NLRP11: variants seen among roughly 807,000 people sequenced by gnomAD.
NLRP11 encodes the protein NACHT, LRR and PYD domains-containing protein 11.
A neutral mutation model predicts 79.3 loss-of-function variants in NLRP11; 53 were observed. That is an observed-to-expected ratio of 0.67 (90% confidence interval 0.54 to 0.84). The LOEUF is 0.84. Among genes scored for constraint, NLRP11 ranks in the 40% least tolerant of loss-of-function variants. The pLI, the probability that NLRP11 is intolerant of heterozygous loss-of-function variation, is 0.00. For synonymous variants in NLRP11, 518 were observed against 462.6 expected, an observed-to-expected ratio of 1.12 and a Z score of -1.54; for missense variants, 1,264 against 1,255.0, an observed-to-expected ratio of 1.01 and a Z score of -0.11.
At chr19:55,808,322 T>C (rs1227362029) in intron 3 of NLRP11, among the ~76,000 whole-genome samples, 2 of 152,202 alleles carry the variant, frequency 1.3e-5, no homozygotes, top group Non-Finnish European at 2.9e-5. Flanking sequence ...AATACTCCTA[T>C]AATGTAACAA....
chr19:55,790,522 A>G (rs1161343322), intron 7 of NLRP11, among the ~76,000 whole-genome samples: 1 of 152,250 alleles, frequency 6.6e-6, no homozygotes, highest in East Asian at 1.9e-4. Flanking sequence ...TACAAGATCC[A>G]TTAATACATG....
chr19:55,815,781 A>G (rs970623729), intron 2 of NLRP11, among the ~76,000 whole-genome samples: 3 of 152,182 alleles, frequency 2.0e-5, no homozygotes, highest in Non-Finnish European at 4.4e-5. Flanking sequence ...AGAGGCAGAG[A>G]TGGAGGAAGC....
chr19:55,796,417 G>T (rs760716349), intron 5 of NLRP11, among the ~76,000 whole-genome samples, 167 bp from the exon 6 acceptor site: 1 of 151,970 alleles, frequency 6.6e-6, no homozygotes, highest in Non-Finnish European at 1.5e-5. Context: ...CCACTCCTCA[G>T]AGTTCAAATT....
intron 2 of NLRP11, 139 bp downstream of exon 2, chr19:55,817,765 A>G: frequency 1.5e-6 from 1 of 667,816 alleles, no homozygotes; most frequent in Non-Finnish European, 2.5e-6. Context: ...AGAAATCACC[A>G]CTAAAGAACT....
At chr19:55,790,124 T>G (rs1463970475) in intron 7 of NLRP11, among the ~76,000 whole-genome samples, 1 of 152,180 alleles carries the variant, frequency 6.6e-6, no homozygotes, top group African/African-American at 2.4e-5. Flanking sequence ...AAATGTCCCC[T>G]TGTCAATGAG....
intron 5 of NLRP11, among the ~76,000 whole-genome samples, chr19:55,797,061 A>G (rs1438598532): frequency 1.3e-5 from 2 of 152,018 alleles, no homozygotes; most frequent in African/African-American, 4.8e-5. Context: ...CCACAAGCAT[A>G]TTTTTGCTTT....
At chr19:55,802,187 A>G (rs1343832446) in intron 4 of NLRP11, among the ~76,000 whole-genome samples, 2 of 151,742 alleles carry the variant, frequency 1.3e-5, no homozygotes, top group Non-Finnish European at 2.9e-5. Context: ...CAAGAGGAAG[A>G]AATAAATGGC....
chr19:55,798,195 C>T (rs550399771), intron 5 of NLRP11: 22 of 280,386 alleles, frequency 7.8e-5, no homozygotes, highest in Non-Finnish European at 1.0e-4. Flanking sequence ...GACGAGGTTT[C>T]GCCATGTTGG....
Position 55,811,500 on chromosome 19 carries a change from G to C in NLRP11, c.272-1162C>G, listed in dbSNP as rs146203583. ...GCAGCAGGGCTGGTGTGGTGGACCT[G>C]AATGTACTGGAATGTGGCACACTGG... On this transcript the variant is annotated intron_variant, in intron 2 of 9. Coordinates refer to ENST00000589093, the Ensembl canonical transcript of NLRP11. Among the ~76,000 whole-genome samples, 569 of 152,238 alleles carry C rather than the reference G, an allele frequency of 3.7e-3. 9 individuals are homozygous for C. Among genetic ancestry groups the C allele is most frequent in the African/African-American group, 0.013 (536 of 41,532 alleles).
intron 2 of NLRP11, among the ~76,000 whole-genome samples, chr19:55,817,250 A>G (rs1981215409): frequency 6.6e-6 from 1 of 152,192 alleles, no homozygotes; most frequent in Non-Finnish European, 1.5e-5. Flanking sequence ...GTAAACCACT[A>G]TGAAAACCAG....
At chr19:55,833,865 G>A (rs753839238), upstream of NLRP11, among the ~76,000 whole-genome samples, 22 of 144,594 alleles carry the variant, frequency 1.5e-4, no homozygotes, top group Non-Finnish European at 2.0e-4. Flanking sequence ...AGGCAAATAC[G>A]AAAAGCTGGT....
In NLRP11 at chr19:55,808,705, A is replaced by G. The variant is rs75297296; in HGVS notation, c.1841+64T>C. On this transcript the variant is annotated intron_variant, in intron 3 of 9. Coordinates refer to ENST00000589093, the Ensembl canonical transcript of NLRP11. Reference sequence around the variant, plus strand: ...CGAGTTTGTCTTGTTCTGGTCAACAAGCTCTAGAATTATGGGCAGGTCTTA... The same window carrying G: ...CGAGTTTGTCTTGTTCTGGTCAACAGGCTCTAGAATTATGGGCAGGTCTTA... 9,834 of 1,464,896 alleles carry G rather than the reference A, an allele frequency of 6.7e-3. 194 individuals carry two copies. The highest frequency in any genetic ancestry group is 0.065 in the African/African-American group (4,595 of 70,712). 90.7% of individuals were successfully genotyped at this position (1,464,896 alleles called of 1,614,324 possible).
chr19:55,817,684 G>A (rs1981269304), intron 2 of NLRP11, among the ~76,000 whole-genome samples: 1 of 152,080 alleles, frequency 6.6e-6, no homozygotes, highest in South Asian at 2.1e-4. Flanking sequence ...GTGTGAGAGG[G>A]AGGTGAGGGA....
At chr19:55,801,823 C>T (rs547008816) in intron 4 of NLRP11, 84 bp from the exon 5 acceptor site, 41 of 1,141,908 alleles carry the variant, frequency 3.6e-5, no homozygotes, top group Non-Finnish European at 4.8e-5. Context: ...TCACTTCATC[C>T]TGTAACAAAG....
At chr19:55,827,136 A>G (rs1459057941) in intron 1 of NLRP11, among the ~76,000 whole-genome samples, 1 of 137,794 alleles carries the variant, frequency 7.3e-6, no homozygotes, top group Non-Finnish European at 1.5e-5. Context: ...CTGGTATTTG[A>G]CAAACCTGAG....
chr19:55,804,391 G>A (rs768061271), intron 4 of NLRP11, among the ~76,000 whole-genome samples: 17 of 151,852 alleles, frequency 1.1e-4, no homozygotes, highest in South Asian at 4.2e-4. Context: ...TTGGATAAAC[G>A]TGATACATAT....
intron 2 of NLRP11, among the ~76,000 whole-genome samples, chr19:55,814,381 T>C (rs567046812): frequency 3.2e-4 from 48 of 152,236 alleles, no homozygotes; most frequent in Non-Finnish European, 5.7e-4. Flanking sequence ...ATAAATGTAA[T>C]ACATTTGAAT....
At chr19:55,803,776 C>T (rs891412436) in intron 4 of NLRP11, among the ~76,000 whole-genome samples, 6 of 151,984 alleles carry the variant, frequency 3.9e-5, no homozygotes, top group Admixed American at 1.3e-4. Flanking sequence ...AGAATGGCTA[C>T]GATTTAAGAA....
rs1441790717 is a variant in NLRP11, at chr19:55,821,236, CACACACACACACA to C, written c.-62-3013_-62-3001del. On this transcript the variant is annotated intron_variant, in intron 1 of 9. Coordinates refer to ENST00000589093, the Ensembl canonical transcript of NLRP11. The stretch of plus-strand genomic sequence containing the variant: ...ACACACACACACACACACACACACA[CACACACACACACA>C]CCCCAAGCACTGAGTTTGTAATGAT... Among the ~76,000 whole-genome samples, 307 of 122,446 alleles carry C rather than the reference CACACACACACACA, an allele frequency of 2.5e-3. 2 individuals are homozygous for C. The highest frequency in any genetic ancestry group is 0.011 in the African/African-American group (289 of 26,682). The allele number at this position is 122,446 out of a possible 152,430, so 80.3% of individuals were successfully genotyped here.
Sources: allele counts gnomAD v4.1 joint callset (sites outside exome capture counted in the v4.1 genomes callset), GRCh38; gene constraint gnomAD v4.1.1; transcripts MANE v1.5; gene names NCBI Gene and HGNC (gene_info 2026-07-23, HGNC 2026-07-21).